The following CSF2RB variants were observed in gnomAD, a reference collection of about 807,000 sequenced individuals.
CSF2RB encodes colony stimulating factor 2 receptor subunit beta, also known as cytokine receptor common subunit beta.
Under a neutral mutation model 67.2 loss-of-function variants are expected in CSF2RB, and 22 were observed. The observed-to-expected ratio is 0.33, with a 90% CI of 0.23 to 0.47. The LOEUF is 0.47. Ranked by LOEUF, CSF2RB falls within the 20% of genes least tolerant of loss-of-function variation. The probability of loss-of-function intolerance (pLI) is 1.00; values close to 1 mark genes in which losing one functional copy is unlikely to be tolerated. For synonymous variants in CSF2RB, 507 were observed against 482.9 expected, an observed-to-expected ratio of 1.05 and a Z score of -0.65; for missense variants, 1,113 against 1,174.5, an observed-to-expected ratio of 0.95 and a Z score of 0.76.
chr22:36,931,607 T>A (rs1278355224), intron 8 of CSF2RB, among the ~76,000 whole-genome samples: 1 of 152,208 alleles, frequency 6.6e-6, no homozygotes, highest in Non-Finnish European at 1.5e-5. Flanking sequence ...TTCTTTTGGG[T>A]AGACTGAAGC....
chr22:36,928,506 C>A (rs758602464), intron 4 of CSF2RB, among the ~76,000 whole-genome samples: 2 of 152,162 alleles, frequency 1.3e-5, no homozygotes, highest in Non-Finnish European at 2.9e-5. Context: ...TAACCCATGT[C>A]CAGCAGAGAG....
At chr22:36,927,515 T>A (rs1452135762) in intron 4 of CSF2RB, among the ~76,000 whole-genome samples, 1 of 152,018 alleles carries the variant, frequency 6.6e-6, no homozygotes, top group East Asian at 1.9e-4. Flanking sequence ...GTGCAGAGGC[T>A]GGGGGATCAG....
chr22:36,923,130 G>A (rs1168179037), intron 2 of CSF2RB, 114 bp from the exon 3 acceptor site: 1 of 1,530,260 alleles, frequency 6.5e-7, no homozygotes, highest in Admixed American at 1.7e-5. Context: ...TGGTGCCTCT[G>A]CAGGGACCTG....
In CSF2RB at chr22:36,922,224, G is replaced by T. The variant is rs773869013; in HGVS notation, c.17G>T (p.Gly6Val). Residue 6 changes from glycine to valine, a missense_variant, in exon 2 of 14, where the codon GGG becomes GTG. By Grantham distance (109) the Gly-to-Val change is moderately radical (BLOSUM62 -3). Transcript: ENST00000403662. MVLAQ[G>V]LLSMALLALC... ...ACCAGGGAGATGGTGCTGGCCCAGG[G>T]GCTGCTCTCCATGGCCCTGCTGGCC... 8.2e-6 allele frequency: 13 copies of T among 1,590,298 alleles called. No individual in the cohort carries two copies. Among genetic ancestry groups the T allele is most frequent in the African/African-American group, 4.0e-5 (3 of 74,554 alleles).
At chr22:36,934,018 G>C in intron 10 of CSF2RB, 24 bp downstream of exon 10, 1 of 1,610,642 alleles carries the variant, frequency 6.2e-7, no homozygotes, top group Non-Finnish European at 8.5e-7. Flanking sequence ...GGAGTCCAGA[G>C]CTTCTGGCCA....
chr22:36,934,962 C>T (rs1941236860), intron 10 of CSF2RB, among the ~76,000 whole-genome samples: 1 of 152,176 alleles, frequency 6.6e-6, no homozygotes, highest in Non-Finnish European at 1.5e-5. Flanking sequence ...GCTGGTGCCT[C>T]TGCCACTATG....
At position 36,937,634 on chromosome 22, in the gene CSF2RB, C is replaced by G. The variant is rs201359565; in HGVS notation, c.1826C>G (p.Pro609Arg). The change falls in exon 14 of 14, where the codon CCG (proline) becomes CGG (arginine). Residue 609 changes from proline to arginine, a missense_variant. By Grantham distance (103) the Pro-to-Arg change is moderately radical. Around this residue, in one of 2 missense-constraint regions of CSF2RB, gnomAD observed 554 missense variants for 517.9 expected, o/e 1.07. Coordinates refer to ENST00000403662, the MANE Select transcript of CSF2RB (RefSeq NM_000395.3). This position sits in a 1 kb window ranked among gnomAD's most constrained non-coding sequence, Gnocchi z 4.6. ...SRSLPDILGQ[P>R]EPPQEGGSQK... The stretch of plus-strand genomic sequence containing the variant: ...TCCCTACCTGACATCCTGGGCCAGC[C>G]GGAGCCCCCACAGGAGGGTGGGAGC... 6.4e-7 allele frequency: 1 copy of G among 1,560,570 alleles called. No individual in the cohort carries two copies. The highest frequency in any genetic ancestry group is 8.7e-7 in the Non-Finnish European group (1 of 1,151,844).
At chr22:36,923,414 C>T (rs1436557017) in intron 3 of CSF2RB, 47 bp downstream of exon 3, 2 of 1,601,434 alleles carry the variant, frequency 1.2e-6, no homozygotes, top group Non-Finnish European at 1.7e-6. Flanking sequence ...CTACGACGTC[C>T]CCTGTGCCTG....
Position 36,939,267 on chromosome 22 carries a change from A to G in CSF2RB, c.*765A>G. 1.4e-6 allele frequency: 1 copy of G among 702,206 alleles called. No individual in the cohort carries two copies. Among genetic ancestry groups the G allele is most frequent in the Middle Eastern group, 2.3e-4 (1 of 4,364 alleles). 43.5% of individuals were successfully genotyped at this position (702,206 alleles called of 1,614,324 possible). ...GTCATGTAGAGAAGTTAACGGCCCA[A>G]GTGGTGGGCAGGCTGGCGGGACCTG... On this transcript the variant is annotated 3_prime_UTR_variant, in exon 14 of 14. Coordinates refer to ENST00000403662, the MANE Select transcript of CSF2RB (RefSeq NM_000395.3).
At chr22:36,921,111 A>G (rs200696890) in intron 1 of CSF2RB, among the ~76,000 whole-genome samples, 1 of 150,178 alleles carries the variant, frequency 6.7e-6, no homozygotes, top group African/African-American at 2.5e-5. Flanking sequence ...GTGTCTGTGT[A>G]TGTGTGCCTC....
chr22:36,933,369 C>T (rs1941197166), intron 9 of CSF2RB, among the ~76,000 whole-genome samples: 1 of 152,190 alleles, frequency 6.6e-6, no homozygotes, highest in Non-Finnish European at 1.5e-5. Context: ...GAACCAACCC[C>T]ACACCTTCAG....
intron 1 of CSF2RB, among the ~76,000 whole-genome samples, chr22:36,915,422 T>TTATA (rs35022648): frequency 0.077 from 11,273 of 146,304 alleles, 537 homozygotes; most frequent in Admixed American, 0.13. Flanking sequence ...ATTATTTTAT[T>TTATA]TATATATATA....
chr22:36,929,273 C>A, intron 4 of CSF2RB, 129 bp from the exon 5 acceptor site: 1 of 1,244,928 alleles, frequency 8.0e-7, no homozygotes, highest in Non-Finnish European at 1.2e-6. Context: ...ACGGGTCTTG[C>A]TCAAGGTCCC....
chr22:36,918,718 T>C lies in CSF2RB; in HGVS notation c.-172-3318T>C, dbSNP rs988794184. On this transcript the variant is annotated intron_variant, in intron 1 of 13. Transcript: ENST00000403662. ...TGTTTGGCTGCACATGGAAAATCCCTAAGCAACAGAGGCTTAACAACATAG... is the reference window on the plus strand; with the variant it reads ...TGTTTGGCTGCACATGGAAAATCCCCAAGCAACAGAGGCTTAACAACATAG... Among the ~76,000 whole-genome samples the C allele has an allele frequency of 2.0e-5, 3 of 152,354 alleles. No homozygotes were observed. The East Asian group carries it at 5.8e-4, about 29-fold the overall frequency.
intron 2 of CSF2RB, chr22:36,922,655 G>A: frequency 2.5e-6 from 1 of 400,150 alleles, no homozygotes; most frequent in East Asian, 5.1e-5. Flanking sequence ...CCTTGGCTGG[G>A]GTTCTCTCCC....
At chr22:36,929,306 G>A in intron 4 of CSF2RB, 96 bp from the exon 5 acceptor site, 1 of 1,548,670 alleles carries the variant, frequency 6.5e-7, no homozygotes, top group Admixed American at 1.7e-5. Context: ...GGCAGGGGTG[G>A]CCTGGAACCC....
At chr22:36,923,017 T>C (rs1420240172) in intron 2 of CSF2RB, among the ~76,000 whole-genome samples, 3 of 152,058 alleles carry the variant, frequency 2.0e-5, no homozygotes, top group African/African-American at 4.8e-5. Context: ...CCAGAAACCA[T>C]GCTGAGAACC....
chr22:36,927,292 C>T (rs2145798224), intron 4 of CSF2RB, among the ~76,000 whole-genome samples: 1 of 152,278 alleles, frequency 6.6e-6, no homozygotes, highest in South Asian at 2.1e-4. Context: ...GAATGGAGCT[C>T]AGGGGGCCCA....
intron 3 of CSF2RB, among the ~76,000 whole-genome samples, chr22:36,924,761 G>T (rs753453978): frequency 6.6e-6 from 1 of 152,118 alleles, no homozygotes; most frequent in South Asian, 2.1e-4. Context: ...GGACCACCGC[G>T]GCCTCCCTGC....
Sources: gnomAD v4.1 joint callset for allele counts (sites outside exome capture counted in the v4.1 genomes callset) on GRCh38, gnomAD v4.1.1 for gene constraint, gnomAD v4.1.1 regional missense constraint, Gnocchi (gnomAD v3.1) non-coding constraint, MANE v1.5 for transcripts, NCBI Gene and HGNC (gene_info 2026-07-23, HGNC 2026-07-21) for gene names.